TARS3: variants seen among roughly 807,000 people sequenced by gnomAD.
TARS3 encodes threonyl-tRNA synthetase 3.
Under a neutral mutation model 103.5 loss-of-function variants are expected in TARS3, and 94 were observed. That is an observed-to-expected ratio of 0.91 (90% CI 0.77 to 1.08). The LOEUF (loss-of-function observed/expected upper bound fraction) is 1.08, where lower values mean the gene tolerates loss of function less well. Ranked by LOEUF, TARS3 falls within the 50% of genes least tolerant of loss-of-function variation. The pLI is 0.00. For missense variants in TARS3, 952 were observed against 995.2 expected (o/e 0.96, Z 0.58); for synonymous variants, 416 against 355.4 (o/e 1.17, Z -1.92).
Position 101,705,744 on chromosome 15 carries a change from T to C in TARS3, c.934A>G (p.Asn312Asp), listed in dbSNP as rs1404072914. ...KEILLEMFKY[N>D]KFKCRILNEK... is the part of the protein sequence containing the mutation. Reference sequence around the variant, plus strand: ...TTCAGAATGCGGCATTTAAATTTATTGTACTACGAAGAAAAACATATTTAC... The same window carrying C: ...TTCAGAATGCGGCATTTAAATTTATCGTACTACGAAGAAAAACATATTTAC... Residue 312 changes from asparagine (N) to aspartate (D), a missense_variant, in exon 7 of 19, where the codon AAT (asparagine) becomes GAT (aspartate). Coordinates refer to ENST00000335968, the MANE Select transcript of TARS3 (RefSeq NM_152334.3). The C allele has an allele frequency of 6.2e-7, 1 of 1,604,890 alleles. No individual in the cohort carries two copies. The highest frequency in any genetic ancestry group is 1.3e-5 in the African/African-American group (1 of 74,804).
intron 12 of TARS3, among the ~76,000 whole-genome samples, chr15:101,683,246 C>T (rs978809889): frequency 6.6e-6 from 1 of 152,182 alleles, no homozygotes; most frequent in African/African-American, 2.4e-5. Context: ...GTGCTATAAA[C>T]ATCCCTCTAC....
At chr15:101,684,403 G>A (rs1428402394) in intron 11 of TARS3, among the ~76,000 whole-genome samples, 166 bp from the exon 12 acceptor site, 1 of 152,038 alleles carries the variant, frequency 6.6e-6, no homozygotes, top group Admixed American at 6.5e-5. Flanking sequence ...AGTGAACCTT[G>A]CATTTACATC....
intron 7 of TARS3, among the ~76,000 whole-genome samples, chr15:101,704,758 G>A (rs1227406401): frequency 2.6e-5 from 4 of 151,020 alleles, no homozygotes; most frequent in African/African-American, 9.8e-5. Context: ...TACAAAAAGT[G>A]TCAATGTTGA....
intron 18 of TARS3, 110 bp from the exon 19 acceptor site, chr15:101,654,840 T>G: frequency 2.0e-6 from 2 of 985,942 alleles, no homozygotes; most frequent in South Asian, 1.5e-5. Flanking sequence ...TAATATTAAA[T>G]ATCATCTAAT....
intron 12 of TARS3, among the ~76,000 whole-genome samples, chr15:101,680,837 T>C (rs1334935916): frequency 1.3e-5 from 2 of 152,352 alleles, no homozygotes; most frequent in South Asian, 2.1e-4. Context: ...TTTTCTTTTA[T>C]GGATTGCCCT....
chr15:101,704,013 T>A, intron 7 of TARS3, 76 bp from the exon 8 acceptor site: 1 of 1,076,984 alleles, frequency 9.3e-7, no homozygotes, highest in Non-Finnish European at 1.4e-6. Context: ...CATAATATCC[T>A]ATGTTTTAGG....
At chr15:101,681,000 C>T (rs902338677) in intron 12 of TARS3, among the ~76,000 whole-genome samples, 2 of 151,980 alleles carry the variant, frequency 1.3e-5, no homozygotes, top group Non-Finnish European at 2.9e-5. Context: ...ATCCTCATAC[C>T]TCATGTTTTG....
intron 15 of TARS3, among the ~76,000 whole-genome samples, chr15:101,665,113 A>T (rs1468250983): frequency 6.6e-6 from 1 of 152,238 alleles, no homozygotes; most frequent in Non-Finnish European, 1.5e-5. Flanking sequence ...CTGGAAAAAT[A>T]CCAAAAGGTC....
intron 10 of TARS3, among the ~76,000 whole-genome samples, chr15:101,694,690 A>G (rs1430940540): frequency 6.6e-6 from 1 of 152,260 alleles, no homozygotes; most frequent in Non-Finnish European, 1.5e-5. Flanking sequence ...CAGAGGCAGA[A>G]AATAAAAGGA....
At chr15:101,695,115 G>A (rs902777162) in intron 10 of TARS3, among the ~76,000 whole-genome samples, 21 of 152,164 alleles carry the variant, frequency 1.4e-4, no homozygotes, top group Non-Finnish European at 3.1e-4. Context: ...AAAATGGCTT[G>A]AGGTAAAATT....
At chr15:101,724,060 G>A in intron 1 of TARS3, 31 bp downstream of exon 1, 2 of 1,336,200 alleles carry the variant, frequency 1.5e-6, no homozygotes, top group Non-Finnish European at 1.9e-6. Context: ...CCCCGCCCGC[G>A]TCCTCTCCAG....
intron 9 of TARS3, 78 bp downstream of exon 9, chr15:101,702,161 C>T (rs1316282305): frequency 3.2e-6 from 5 of 1,541,782 alleles, no homozygotes; most frequent in African/African-American, 2.8e-5. Context: ...ATTTTTAAAG[C>T]AACTTAGTTT....
intron 10 of TARS3, chr15:101,699,534 C>A: frequency 4.6e-6 from 2 of 436,080 alleles, no homozygotes; most frequent in Non-Finnish European, 9.2e-6. Context: ...GTGCCAGGGG[C>A]CATGCTGATT....
intron 10 of TARS3, among the ~76,000 whole-genome samples, chr15:101,687,338 G>C (rs1324053463): frequency 6.6e-6 from 1 of 152,184 alleles, no homozygotes; most frequent in East Asian, 1.9e-4. Context: ...AGGAGGCAGA[G>C]GTTGCAGTGA....
chr15:101,721,145 G>T lies in TARS3; in HGVS notation c.547C>A (p.Gln183Lys), dbSNP rs201251415. The change falls in exon 3 of 19, where the codon CAA (glutamine) becomes AAA (lysine). Residue 183 changes from glutamine (Q) to lysine (K), a missense_variant. Transcript: ENST00000335968. Reference protein sequence around the residue: ...QGEVWKTTPYQVAAEISQELA... With the variant: ...QGEVWKTTPYKVAAEISQELA... ...GTTTACCTAATTTCAGCAGCCACTT[G>T]GTAAGGCGTTGTTTTCCAGACTTCC... is the stretch of plus-strand genomic sequence containing the variant. 2 of 1,596,264 alleles carry T rather than the reference G, an allele frequency of 1.3e-6. No homozygotes were observed. The highest frequency in any genetic ancestry group is 1.7e-6 in the Non-Finnish European group (2 of 1,165,230).
rs553176493 is a variant in TARS3 at position 101,722,337 on chromosome 15, G to A, written c.369+756C>T. ...TTACAGCACTTACTTGTATACCATC[G>A]TACTCTGTTCTCTAGTTGTTTGTCC... On this transcript the variant is annotated intron_variant, in intron 2 of 18. Transcript: ENST00000335968. Among the ~76,000 whole-genome samples the A allele has an allele frequency of 8.7e-5, 13 of 149,940 alleles. No homozygotes were observed. In the South Asian group the frequency reaches 2.3e-3, roughly 27 times the overall value.
intron 15 of TARS3, 94 bp downstream of exon 15, chr15:101,671,391 GA>G: frequency 1.1e-6 from 1 of 883,534 alleles, no homozygotes; most frequent in Non-Finnish European, 1.8e-6. Flanking sequence ...ACATATACTA[GA>G]CATTCACTAA....
At position 101,653,678 on chromosome 15, in the gene TARS3, AAG is replaced by A. The variant is rs1247952094; in HGVS notation, c.*902_*903del. 9 of 151,420 alleles carry A rather than the reference AAG, an allele frequency of 5.9e-5. No individual in the cohort carries two copies. Among genetic ancestry groups the A allele is most frequent in the Admixed American group, 6.6e-5 (1 of 15,256 alleles). 9.4% of individuals were successfully genotyped at this position (151,420 alleles called of 1,614,324 possible). On this transcript the variant is annotated 3_prime_UTR_variant, in exon 19 of 19. Coordinates refer to ENST00000335968, the MANE Select transcript of TARS3 (RefSeq NM_152334.3). ...TTAACTAAATGATCAGTATATTGAA[AAG>A]AGATTATTTCTTACATTTCTTTTGA...
intron 3 of TARS3, among the ~76,000 whole-genome samples, chr15:101,720,625 T>C (rs1386806141): frequency 6.6e-6 from 1 of 152,058 alleles, no homozygotes; most frequent in Non-Finnish European, 1.5e-5. Context: ...AGGAAAAAAA[T>C]TAAATACATT....
Sources: allele counts gnomAD v4.1 joint callset (sites outside exome capture counted in the v4.1 genomes callset), GRCh38; gene constraint gnomAD v4.1.1; transcripts MANE v1.5; gene names NCBI Gene and HGNC (gene_info 2026-07-23, HGNC 2026-07-21).